The following CTNNA2 variants were observed in gnomAD, a reference collection of about 807,000 sequenced individuals.
The protein encoded by CTNNA2 is catenin alpha-2.
CTNNA2 carries 42 observed loss-of-function variants against 101.0 expected under a neutral mutation model. The ratio of observed to expected loss-of-function variants is 0.42; its 90% CI spans 0.32 to 0.54. The LOEUF is 0.54. Among genes scored for constraint, CTNNA2 ranks in the 20% least tolerant of loss-of-function variants. CTNNA2 has a pLI of 0.14. For synonymous variants in CTNNA2, 450 were observed against 456.4 expected (o/e 0.99, Z 0.18); for missense variants, 871 against 1,223.1 (o/e 0.71, Z 4.29).
At chr2:80,104,327 C>T (rs2148848511) in intron 7 of CTNNA2, among the ~76,000 whole-genome samples, 1 of 152,292 alleles carries the variant, frequency 6.6e-6, no homozygotes, top group Middle Eastern at 3.4e-3. Flanking sequence ...GTCCCAAAGG[C>T]AGATAGATGG....
intron 2 of CTNNA2, among the ~76,000 whole-genome samples, chr2:79,724,174 C>T (rs961554894): frequency 2.6e-5 from 4 of 151,812 alleles, no homozygotes; most frequent in African/African-American, 9.7e-5. Flanking sequence ...CTTCCTTCTC[C>T]AGTTGGTTTC....
intron 1 of CTNNA2, among the ~76,000 whole-genome samples, chr2:79,541,630 ATT>A (rs34560865): frequency 3.7e-4 from 53 of 142,542 alleles, no homozygotes; most frequent in African/African-American, 9.0e-4. Context: ...AATCTTCATA[ATT>A]TTTTTTTTTT....
intron 7 of CTNNA2, among the ~76,000 whole-genome samples, chr2:80,124,880 G>A (rs1049294239): frequency 2.0e-5 from 3 of 152,086 alleles, no homozygotes; most frequent in Non-Finnish European, 2.9e-5. Context: ...ATAGCTTTGC[G>A]GAGGAAGTTG....
At chr2:80,298,728 GA>G (rs1360048731) in intron 7 of CTNNA2, 1 of 152,224 alleles carries the variant, frequency 6.6e-6, no homozygotes, top group East Asian at 1.9e-4. Flanking sequence ...GATGAGTTCA[GA>G]AGAATATTTT....
At chr2:80,411,685 G>A (rs1233180979) in intron 8 of CTNNA2, among the ~76,000 whole-genome samples, 1 of 152,188 alleles carries the variant, frequency 6.6e-6, no homozygotes, top group African/African-American at 2.4e-5. Context: ...TTTAAAGCAT[G>A]TAGTCTGGGG....
chr2:79,658,570 G>A (rs1465668497), intron 2 of CTNNA2, among the ~76,000 whole-genome samples: 5 of 151,908 alleles, frequency 3.3e-5, no homozygotes, highest in African/African-American at 7.2e-5. Context: ...TAATTAAAAC[G>A]GAAACCTGTG....
At chr2:80,108,046 G>C (rs1700998236) in intron 7 of CTNNA2, among the ~76,000 whole-genome samples, 1 of 152,168 alleles carries the variant, frequency 6.6e-6, no homozygotes, top group Admixed American at 6.5e-5. Flanking sequence ...TCCTGATAGA[G>C]AGAAGAAAAA....
At chr2:79,276,946 A>G (rs1276947256) in intron 2 of CTNNA2, among the ~76,000 whole-genome samples, 1 of 152,110 alleles carries the variant, frequency 6.6e-6, no homozygotes, top group East Asian at 1.9e-4. Context: ...ATAGATGTGC[A>G]CACACACACA....
At chr2:79,203,181 C>T (rs994037708) in intron 2 of CTNNA2, among the ~76,000 whole-genome samples, 6 of 152,280 alleles carry the variant, frequency 3.9e-5, no homozygotes, top group African/African-American at 1.4e-4. Context: ...CATGTTTTCT[C>T]CTCTTTGAAA....
chr2:79,986,981 T>C (rs1464063990), intron 7 of CTNNA2, among the ~76,000 whole-genome samples: 1 of 152,208 alleles, frequency 6.6e-6, no homozygotes, highest in African/African-American at 2.4e-5. Context: ...TCTTGCTGCC[T>C]CAAGGTGGAA....
At chr2:79,506,138 C>G (rs1418942360) in intron 5 of CTNNA2, among the ~76,000 whole-genome samples, 2 of 152,040 alleles carry the variant, frequency 1.3e-5, no homozygotes, top group Admixed American at 6.5e-5. Context: ...AAATGAAATA[C>G]TACAGGAAAA....
In CTNNA2 at chr2:80,052,165, A is replaced by C. The variant is rs147457656; in HGVS notation, c.1056+142368A>C. ...ATGATCTGAAATACTAACATTTTCAAAAAAAGAAACTATGTTGAGAGAGTT... is the reference window on the plus strand; with the variant it reads ...ATGATCTGAAATACTAACATTTTCACAAAAAGAAACTATGTTGAGAGAGTT... On this transcript the variant is annotated intron_variant, in intron 7 of 18. Coordinates refer to ENST00000402739, the MANE Select transcript of CTNNA2 (RefSeq NM_001282597.3). Among the ~76,000 whole-genome samples the C allele has an allele frequency of 4.1e-3, 619 of 152,344 alleles. 6 individuals are homozygous for C. The highest frequency in any genetic ancestry group is 0.014 in the African/African-American group (570 of 41,568).
intron 9 of CTNNA2, among the ~76,000 whole-genome samples, chr2:80,502,332 A>G (rs1234341328): frequency 1.3e-5 from 2 of 152,192 alleles, no homozygotes; most frequent in African/African-American, 4.8e-5. Context: ...TCCTGGCAAC[A>G]GAGAAATACT....
chr2:79,810,509 A>ACCTTT (rs1676927540), intron 3 of CTNNA2, among the ~76,000 whole-genome samples: 1 of 145,296 alleles, frequency 6.9e-6, no homozygotes, highest in Non-Finnish European at 1.5e-5. Flanking sequence ...TTGCCTTTTC[A>ACCTTT]CCTTTTCTTT....
chr2:79,608,867 C>G (rs1232665903), intron 1 of CTNNA2, among the ~76,000 whole-genome samples: 1 of 151,888 alleles, frequency 6.6e-6, no homozygotes, highest in East Asian at 1.9e-4. Flanking sequence ...TGTCCACTCT[C>G]CTTGATTTTA....
intron 1 of CTNNA2, among the ~76,000 whole-genome samples, chr2:79,514,320 A>C (rs1462386029): frequency 6.6e-6 from 1 of 152,212 alleles, no homozygotes; most frequent in East Asian, 1.9e-4. Flanking sequence ...AGATGGCATT[A>C]GCTGCATTAG....
At position 80,384,436 on chromosome 2, in the gene CTNNA2, AG is replaced by A. The variant is rs760283510; in HGVS notation, c.1057-8774del. ...CTCAAAGTTAAAAGAAAAAAAAAAA[AG>A]ATTCAAAAACAAAAAAAGGAAATAG... On this transcript the variant is annotated intron_variant, in intron 7 of 18. Coordinates refer to ENST00000402739, the MANE Select transcript of CTNNA2 (RefSeq NM_001282597.3). 2.7e-3 allele frequency among the ~76,000 whole-genome samples: 406 copies of A among 151,432 alleles called. 3 individuals are homozygous for A. Among genetic ancestry groups the A allele is most frequent in the Non-Finnish European group, 4.5e-3 (304 of 67,948 alleles).
At chr2:79,271,111 A>G (rs976178658) in intron 2 of CTNNA2, among the ~76,000 whole-genome samples, 3 of 152,138 alleles carry the variant, frequency 2.0e-5, no homozygotes, top group Non-Finnish European at 2.9e-5. Flanking sequence ...AGAGATGAGA[A>G]GGGAAAGAGG....
chr2:79,587,052 C>A (rs1676541402), intron 1 of CTNNA2, among the ~76,000 whole-genome samples: 1 of 152,074 alleles, frequency 6.6e-6, no homozygotes, highest in African/African-American at 2.4e-5. Flanking sequence ...ACCACATTTT[C>A]TTTATCCACT....
Sources: gnomAD v4.1 joint callset for allele counts (sites outside exome capture counted in the v4.1 genomes callset) on GRCh38, gnomAD v4.1.1 for gene constraint, MANE v1.5 for transcripts, NCBI Gene and HGNC (gene_info 2026-07-23, HGNC 2026-07-21) for gene names.